HTR1E: variants seen among roughly 807,000 people sequenced by gnomAD.
HTR1E encodes the protein 5-hydroxytryptamine receptor 1E.
Under a neutral mutation model 3.4 loss-of-function variants are expected in HTR1E, and 3 were observed. That is an observed-to-expected ratio of 0.89 (90% CI 0.41 to 2.31). The LOEUF is 2.31. Ranked by LOEUF, HTR1E falls within the 30% of genes most tolerant of loss-of-function variation. The pLI, the probability that HTR1E is intolerant of heterozygous loss-of-function variation, is 0.05. For synonymous variants in HTR1E, 170 were observed against 182.8 expected (o/e 0.93, Z 0.56); for missense variants, 392 against 467.0 (o/e 0.84, Z 1.48).
rs542792936 is a variant in HTR1E at position 86,994,806 on chromosome 6, A to C, written c.-185-20344A>C. Among the ~76,000 whole-genome samples, 66 of 150,972 alleles carry C rather than the reference A, an allele frequency of 4.4e-4. No homozygotes were observed. In the Middle Eastern group the frequency reaches 0.014, roughly 32 times the overall value. ...CTGATGTGGTTCTCAGTGGATGTAG[A>C]GGAAATATTTAAGATAATTTTATTA... On this transcript the variant is annotated intron_variant, in intron 1 of 1. Transcript: ENST00000305344.
intron 1 of HTR1E, among the ~76,000 whole-genome samples, chr6:86,944,251 G>A (rs1345181825): frequency 6.6e-6 from 1 of 152,164 alleles, no homozygotes; most frequent in Non-Finnish European, 1.5e-5. Flanking sequence ...CCTCATTAGA[G>A]ACAAGTCACT....
At chr6:86,950,490 G>A (rs1051987842) in intron 1 of HTR1E, among the ~76,000 whole-genome samples, 14 of 152,126 alleles carry the variant, frequency 9.2e-5, no homozygotes, top group African/African-American at 3.4e-4. Flanking sequence ...GCCACTTCTA[G>A]GCTGCAAAGG....
At chr6:86,939,728 A>G (rs1768519628) in intron 1 of HTR1E, among the ~76,000 whole-genome samples, 1 of 152,346 alleles carries the variant, frequency 6.6e-6, no homozygotes, top group Admixed American at 6.5e-5. Context: ...AGAAATCAGC[A>G]TCACAAGCAT....
At chr6:86,958,489 G>A (rs1267500197) in intron 1 of HTR1E, among the ~76,000 whole-genome samples, 2 of 152,072 alleles carry the variant, frequency 1.3e-5, no homozygotes, top group Non-Finnish European at 2.9e-5. Flanking sequence ...AAATTAATAA[G>A]TATCTGTTGG....
intron 1 of HTR1E, among the ~76,000 whole-genome samples, chr6:86,969,727 C>T (rs1362111580): frequency 6.6e-6 from 1 of 152,204 alleles, no homozygotes; most frequent in Non-Finnish European, 1.5e-5. Flanking sequence ...ATGGCACTGA[C>T]TTGACCCCAT....
chr6:86,992,669 T>C (rs114921328), intron 1 of HTR1E, among the ~76,000 whole-genome samples: 1,711 of 152,308 alleles, frequency 0.011, 33 homozygotes, highest in African/African-American at 0.038. Flanking sequence ...CAAATGTTTA[T>C]TGAGTATCTC....
At chr6:86,943,461 T>C (rs1768571541) in intron 1 of HTR1E, among the ~76,000 whole-genome samples, 1 of 152,216 alleles carries the variant, frequency 6.6e-6, no homozygotes, top group Non-Finnish European at 1.5e-5. Context: ...TTCTCTTGGC[T>C]GTATGAGCTG....
chr6:86,985,013 C>G (rs1392858866), intron 1 of HTR1E, among the ~76,000 whole-genome samples: 6 of 152,144 alleles, frequency 3.9e-5, no homozygotes, highest in Non-Finnish European at 7.3e-5. Context: ...TTATCAACAC[C>G]TATTTTATTC....
intron 1 of HTR1E, among the ~76,000 whole-genome samples, chr6:86,941,677 A>C (rs1419227459): frequency 6.6e-6 from 1 of 152,222 alleles, no homozygotes; most frequent in Non-Finnish European, 1.5e-5. Context: ...TTATCAGTGC[A>C]GACCAGATGG....
At chr6:86,999,492 T>C (rs191197710) in intron 1 of HTR1E, among the ~76,000 whole-genome samples, 3 of 152,272 alleles carry the variant, frequency 2.0e-5, no homozygotes, top group Admixed American at 6.5e-5. Flanking sequence ...TGAGGACTAA[T>C]AGCAAGGAAC....
At chr6:87,006,135 T>C (rs567276790) in intron 1 of HTR1E, among the ~76,000 whole-genome samples, 2 of 152,368 alleles carry the variant, frequency 1.3e-5, no homozygotes, top group South Asian at 4.1e-4. Context: ...TTGGTGGGAA[T>C]GTAAGTTAGT....
chr6:87,004,145 T>A (rs1452083333), intron 1 of HTR1E, among the ~76,000 whole-genome samples: 1 of 152,134 alleles, frequency 6.6e-6, no homozygotes, highest in African/African-American at 2.4e-5. Flanking sequence ...AAATCCAGGA[T>A]GTGATGACTT....
chr6:86,938,208 G>A (rs1219390278), intron 1 of HTR1E, among the ~76,000 whole-genome samples: 1 of 152,116 alleles, frequency 6.6e-6, no homozygotes, highest in African/African-American at 2.4e-5. Flanking sequence ...GAGGTGGTGT[G>A]CTCCAGGGAC....
chr6:86,969,763 G>T (rs1767523460), intron 1 of HTR1E, among the ~76,000 whole-genome samples: 2 of 152,134 alleles, frequency 1.3e-5, no homozygotes, highest in African/African-American at 4.8e-5. Flanking sequence ...CGTGACCTAG[G>T]CAAAGCTGCT....
rs563899990 is a variant in HTR1E, at chr6:87,016,590, T to C, written c.*158T>C. The C allele has an allele frequency of 1.6e-6, 1 of 608,816 alleles. No homozygotes were observed. Among genetic ancestry groups the C allele is most frequent in the East Asian group, 2.9e-5 (1 of 34,710 alleles). The allele number at this position is 608,816 out of a possible 1,614,324, so 37.7% of individuals were successfully genotyped here. On this transcript the variant is annotated 3_prime_UTR_variant, in exon 2 of 2. Coordinates refer to ENST00000305344, the MANE Select transcript of HTR1E (RefSeq NM_000865.3). ...TTTGTTTGTTTGTTTTGTTCTGTTT[T>C]GTTTGAGGATTGTTATTTGGCGTGC...
intron 1 of HTR1E, among the ~76,000 whole-genome samples, chr6:86,999,326 C>A (rs756291619): frequency 7.9e-5 from 12 of 152,106 alleles, no homozygotes; most frequent in South Asian, 2.1e-4. Flanking sequence ...ATAAACTATA[C>A]AGATATCCTC....
At position 86,969,843 on chromosome 6, in the gene HTR1E, G is replaced by A. The variant is rs150810333; in HGVS notation, c.-186+32020G>A. Among the ~76,000 whole-genome samples the A allele has an allele frequency of 2.6e-3, 389 of 152,274 alleles. 5 individuals carry two copies. Among genetic ancestry groups the A allele is most frequent in the African/African-American group, 9.0e-3 (374 of 41,552 alleles). On this transcript the variant is annotated intron_variant, in intron 1 of 1. Transcript: ENST00000305344. Reference sequence around the variant, plus strand: ...GTTCAGGGATTGGCATGTGCCCAAGGAGAGCTAATGTGACACAGTGGAACT... The same window carrying A: ...GTTCAGGGATTGGCATGTGCCCAAGAAGAGCTAATGTGACACAGTGGAACT...
At chr6:86,964,954 C>A (rs1767454503) in intron 1 of HTR1E, among the ~76,000 whole-genome samples, 1 of 152,168 alleles carries the variant, frequency 6.6e-6, no homozygotes, top group Non-Finnish European at 1.5e-5. Context: ...ATTTATTGAA[C>A]TTCATTCACC....
intron 1 of HTR1E, among the ~76,000 whole-genome samples, chr6:87,000,656 T>A (rs1483156540): frequency 6.6e-6 from 1 of 152,184 alleles, no homozygotes; most frequent in East Asian, 1.9e-4. Context: ...AGCAAAAATA[T>A]CCTTCAAACA....
Sources: allele counts gnomAD v4.1 joint callset (sites outside exome capture counted in the v4.1 genomes callset), GRCh38; gene constraint gnomAD v4.1.1; transcripts MANE v1.5; gene names NCBI Gene and HGNC (gene_info 2026-07-23, HGNC 2026-07-21).